ZNF521: variants seen among roughly 807,000 people sequenced by gnomAD.
The protein encoded by ZNF521 is zinc finger protein 521, also known as LYST-interacting protein 3.
Under a neutral mutation model 105.5 loss-of-function variants are expected in ZNF521, and 14 were observed. The observed-to-expected ratio is 0.13, with a 90% confidence interval of 0.09 to 0.21. ZNF521 has a LOEUF of 0.21. Among genes scored for constraint, ZNF521 ranks in the 10% least tolerant of loss-of-function variants. The pLI is 1.00. For missense variants in ZNF521, 1,233 were observed against 1,629.7 expected (o/e 0.76, Z 4.19); for synonymous variants, 635 against 606.0 (o/e 1.05, Z -0.70).
rs774757905 is a variant in ZNF521 at position 25,092,023 on chromosome 18, T to C, written c.3717A>G (p.Lys1239=). Residue 1239 remains lysine (K), a synonymous_variant, in exon 6 of 8, where the codon AAA becomes AAG. Transcript: ENST00000361524. ...LCSQTFDSPA[K]LQCHLIEHSF... is the part of the protein sequence containing the mutation. The stretch of plus-strand genomic sequence containing the variant: ...TGTGCTCTATCAGGTGGCACTGGAG[T>C]TTGGCAGGAGAGTCAAAGGTCTGGC... 1.2e-6 allele frequency: 2 copies of C among 1,613,992 alleles called. No individual in the cohort carries two copies. The highest frequency in any genetic ancestry group is 1.1e-5 in the South Asian group (1 of 91,062).
chr18:25,111,454 A>C (rs2034188251), intron 5 of ZNF521, among the ~76,000 whole-genome samples: 1 of 152,244 alleles, frequency 6.6e-6, no homozygotes, highest in Admixed American at 6.5e-5. Context: ...CTTAATAGTT[A>C]CTAGGGAAAA....
At chr18:25,311,684 A>G (rs1239696015) in intron 3 of ZNF521, among the ~76,000 whole-genome samples, 1 of 152,194 alleles carries the variant, frequency 6.6e-6, no homozygotes, top group Non-Finnish European at 1.5e-5. Flanking sequence ...ATCAATGACC[A>G]TCAAGGACAT....
intron 5 of ZNF521, among the ~76,000 whole-genome samples, chr18:25,094,945 T>G (rs1260713000): frequency 6.6e-6 from 1 of 152,112 alleles, no homozygotes; most frequent in Non-Finnish European, 1.5e-5. Context: ...TAAAAGAAAA[T>G]GAAACTTATT....
intron 5 of ZNF521, among the ~76,000 whole-genome samples, chr18:25,187,874 A>G (rs1387188379): frequency 6.6e-6 from 1 of 152,076 alleles, no homozygotes; most frequent in Non-Finnish European, 1.5e-5. Flanking sequence ...TAAATAAATA[A>G]TCTAATTATT....
At chr18:25,284,556 C>T (rs970644190) in intron 3 of ZNF521, among the ~76,000 whole-genome samples, 1 of 151,708 alleles carries the variant, frequency 6.6e-6, no homozygotes, top group African/African-American at 2.4e-5. Flanking sequence ...CGCTGAGGGC[C>T]GGAGGAAAAT....
In ZNF521 at chr18:25,226,097, T is replaced by G. The variant is rs1468078661; in HGVS notation, c.1821A>C (p.Leu607=). 6.2e-7 allele frequency: 1 copy of G among 1,614,160 alleles called. No homozygotes were observed. The highest frequency in any genetic ancestry group is 8.5e-7 in the Non-Finnish European group (1 of 1,180,016). The change falls in exon 4 of 8, where the codon CTA becomes CTC. Residue 607 remains leucine, a synonymous_variant. Coordinates refer to ENST00000361524, the MANE Select transcript of ZNF521 (RefSeq NM_015461.3). The surrounding 1 kb of genome is among the most constrained non-coding windows in gnomAD (Gnocchi z 4.1). ...ATGTCTGCTCTATGGCCACAGGAGATAGGGGGCTTAAGGCCCTGGATTTCT... is the reference window on the plus strand; with the variant it reads ...ATGTCTGCTCTATGGCCACAGGAGAGAGGGGGCTTAAGGCCCTGGATTTCT... The part of the protein sequence containing the change: ...NGKKSRALSP[L]SPVAIEQTSL...
intron 5 of ZNF521, among the ~76,000 whole-genome samples, chr18:25,110,264 C>T (rs1032535847): frequency 6.6e-6 from 1 of 152,208 alleles, no homozygotes; most frequent in Admixed American, 6.5e-5. Context: ...AGGGCTGAAA[C>T]ACCGAGTCCG....
chr18:25,349,754 G>A (rs1390410310), intron 2 of ZNF521, among the ~76,000 whole-genome samples: 1 of 150,762 alleles, frequency 6.6e-6, no homozygotes, highest in Non-Finnish European at 1.5e-5. Context: ...AGAGGGCGGG[G>A]CCGGGCCGCG....
At chr18:25,209,067 G>C (rs759421892) in intron 4 of ZNF521, among the ~76,000 whole-genome samples, 1 of 152,030 alleles carries the variant, frequency 6.6e-6, no homozygotes, top group Non-Finnish European at 1.5e-5. Context: ...AAATCATGGC[G>C]TATCTTTGTG....
At chr18:25,309,585 C>CA in intron 3 of ZNF521, among the ~76,000 whole-genome samples, 1 of 152,142 alleles carries the variant, frequency 6.6e-6, no homozygotes, top group Non-Finnish European at 1.5e-5. Context: ...CCAGACCATA[C>CA]AGCCACAAGA....
intron 5 of ZNF521, among the ~76,000 whole-genome samples, chr18:25,168,256 G>A (rs181284363): frequency 9.9e-5 from 15 of 152,222 alleles, no homozygotes; most frequent in East Asian, 1.9e-4. Context: ...TGGGGATAGC[G>A]GCTCCTGAAA....
chr18:25,220,244 G>C (rs1453737965), intron 4 of ZNF521, among the ~76,000 whole-genome samples: 1 of 152,176 alleles, frequency 6.6e-6, no homozygotes, highest in Non-Finnish European at 1.5e-5. Flanking sequence ...TAATAACTAA[G>C]ATATACTATC....
At chr18:25,233,611 T>A (rs1480122771) in intron 3 of ZNF521, among the ~76,000 whole-genome samples, 1 of 152,058 alleles carries the variant, frequency 6.6e-6, no homozygotes, top group East Asian at 1.9e-4. Context: ...GTGGTGCACA[T>A]TTTTTAACAG....
intron 5 of ZNF521, among the ~76,000 whole-genome samples, chr18:25,145,099 T>C (rs2034918956): frequency 6.6e-6 from 1 of 152,190 alleles, no homozygotes; most frequent in South Asian, 2.1e-4. Context: ...GCCCTGGTTG[T>C]GGACATAGTT....
intron 5 of ZNF521, among the ~76,000 whole-genome samples, chr18:25,159,186 G>A (rs569939827): frequency 3.3e-5 from 5 of 152,246 alleles, no homozygotes; most frequent in Admixed American, 1.3e-4. Flanking sequence ...ATGGTTAAAG[G>A]TAACCGAGAA....
intron 5 of ZNF521, among the ~76,000 whole-genome samples, chr18:25,154,918 T>C (rs1247679521): frequency 2.0e-5 from 3 of 152,142 alleles, no homozygotes; most frequent in Non-Finnish European, 4.4e-5. Flanking sequence ...AGAAGAGGGA[T>C]TGCTGGGTCC....
chr18:25,194,858 C>T (rs1344942770), intron 5 of ZNF521, among the ~76,000 whole-genome samples: 1 of 151,654 alleles, frequency 6.6e-6, no homozygotes. Flanking sequence ...ACATCCAGTT[C>T]ATTAACCATT....
intron 3 of ZNF521, among the ~76,000 whole-genome samples, chr18:25,294,113 T>C (rs968584393): frequency 1.3e-5 from 2 of 152,210 alleles, no homozygotes; most frequent in Admixed American, 1.3e-4. Flanking sequence ...CTTTCATTAC[T>C]GGATAATACT....
At chr18:25,238,683 T>G (rs189800473) in intron 3 of ZNF521, among the ~76,000 whole-genome samples, 5 of 152,268 alleles carry the variant, frequency 3.3e-5, no homozygotes, top group Admixed American at 6.5e-5. Context: ...CTTCTTCAAT[T>G]ATCATTCCAG....
Sources: gnomAD v4.1 joint callset for allele counts (sites outside exome capture counted in the v4.1 genomes callset) on GRCh38, gnomAD v4.1.1 for gene constraint, Gnocchi (gnomAD v3.1) non-coding constraint, MANE v1.5 for transcripts, NCBI Gene and HGNC (gene_info 2026-07-23, HGNC 2026-07-21) for gene names.